The following CEP162 variants were observed in gnomAD, a reference collection of about 807,000 sequenced individuals.
CEP162 encodes the protein centrosomal protein of 162 kDa.
Under a neutral mutation model 169.2 loss-of-function variants are expected in CEP162, and 141 were observed. The ratio of observed to expected loss-of-function variants is 0.83; its 90% CI spans 0.73 to 0.96. The LOEUF is 0.96. Ranked by LOEUF, CEP162 falls within the 40% of genes least tolerant of loss-of-function variation. CEP162 has a pLI of 0.00. For missense variants in CEP162, 1,600 were observed against 1,587.2 expected, an observed-to-expected ratio of 1.01 and a Z score of -0.14; for synonymous variants, 540 against 526.4, an observed-to-expected ratio of 1.03 and a Z score of -0.35.
At chr6:84,185,089 T>G (rs1029410877) in intron 13 of CEP162, 98 bp downstream of exon 13, 41 of 1,141,666 alleles carry the variant, frequency 3.6e-5, no homozygotes, top group Non-Finnish European at 5.1e-5. Flanking sequence ...TGTTGCCTCC[T>G]GCAAATTGAA....
intron 21 of CEP162, 58 bp from the exon 22 acceptor site, chr6:84,155,568 A>G: frequency 8.5e-7 from 1 of 1,173,652 alleles, no homozygotes; most frequent in Non-Finnish European, 1.2e-6. Context: ...AATTCAGTAA[A>G]GTTTCAGGAT....
At chr6:84,190,301 C>T (rs992938536) in intron 11 of CEP162, among the ~76,000 whole-genome samples, 6 of 152,150 alleles carry the variant, frequency 3.9e-5, no homozygotes, top group Non-Finnish European at 8.8e-5. Flanking sequence ...ACGCACCAAT[C>T]AGCGCCCTGA....
At chr6:84,190,903 G>C (rs948939663) in intron 11 of CEP162, among the ~76,000 whole-genome samples, 1 of 152,144 alleles carries the variant, frequency 6.6e-6, no homozygotes, top group Non-Finnish European at 1.5e-5. Flanking sequence ...GGATGGTCTC[G>C]ATCTCTTGAC....
intron 3 of CEP162, among the ~76,000 whole-genome samples, chr6:84,216,341 G>A (rs2099551534): frequency 6.6e-6 from 1 of 152,004 alleles, no homozygotes. Context: ...AAAATACAAG[G>A]TGGCAAAGTA....
At chr6:84,166,988 T>C (rs2099528102) in intron 18 of CEP162, among the ~76,000 whole-genome samples, 1 of 152,194 alleles carries the variant, frequency 6.6e-6, no homozygotes, top group South Asian at 2.1e-4. Flanking sequence ...CTAACACCTT[T>C]ATTTTTTTTC....
chr6:84,211,600 A>G (rs2099549526), intron 6 of CEP162, among the ~76,000 whole-genome samples: 1 of 151,586 alleles, frequency 6.6e-6, no homozygotes, highest in Non-Finnish European at 1.5e-5. Flanking sequence ...ACTTGAAGCA[A>G]AAGAACAGTG....
intron 18 of CEP162, among the ~76,000 whole-genome samples, chr6:84,168,014 T>C (rs1020123886): frequency 6.6e-6 from 1 of 152,178 alleles, no homozygotes; most frequent in Admixed American, 6.6e-5. Flanking sequence ...CTTGAGAGCA[T>C]GGTTATCCAT....
intron 25 of CEP162, among the ~76,000 whole-genome samples, chr6:84,133,082 A>G (rs1335814627): frequency 6.6e-6 from 1 of 152,194 alleles, no homozygotes; most frequent in Non-Finnish European, 1.5e-5. Flanking sequence ...TCTAACCGTC[A>G]GGACCCTCAG....
Position 84,194,931 on chromosome 6 carries a change from G to C in CEP162, c.980C>G (p.Pro327Arg), listed in dbSNP as rs1245330786. 1 of 1,612,304 alleles carries C rather than the reference G, an allele frequency of 6.2e-7. No homozygotes were observed. The highest frequency in any genetic ancestry group is 8.5e-7 in the Non-Finnish European group (1 of 1,179,340). ...TTTTGAATTCTCTTCATTTTCTTGA[G>C]GATGACCTTTCACTGAGCTCTTGAT... ...EDIKSSVKGH[P>R]QENEENSKNI... The change falls in exon 10 of 27, where the codon CCT becomes CGT. Residue 327 changes from proline to arginine, a missense_variant. Pro to Arg is a moderately radical substitution (Grantham distance 103). Coordinates refer to ENST00000403245, the MANE Select transcript of CEP162 (RefSeq NM_014895.4).
chr6:84,163,770 A>C (rs2099526677), intron 18 of CEP162, among the ~76,000 whole-genome samples: 1 of 152,062 alleles, frequency 6.6e-6, no homozygotes, highest in Non-Finnish European at 1.5e-5. Flanking sequence ...ATTCGAGACC[A>C]GTATGGCCAA....
intron 11 of CEP162, among the ~76,000 whole-genome samples, chr6:84,189,289 C>A (rs1427303892): frequency 2.0e-5 from 3 of 152,288 alleles, no homozygotes; most frequent in South Asian, 2.1e-4. Flanking sequence ...GCCCTTCAGC[C>A]CCCCACTGCA....
chr6:84,156,156 T>C (rs1387778173), intron 21 of CEP162, among the ~76,000 whole-genome samples: 1 of 152,126 alleles, frequency 6.6e-6, no homozygotes, highest in Admixed American at 6.6e-5. Flanking sequence ...TAAATGGTGC[T>C]GGGAAAAATG....
intron 8 of CEP162, among the ~76,000 whole-genome samples, 163 bp from the exon 9 acceptor site, chr6:84,201,068 G>A (rs1476321537): frequency 6.6e-6 from 1 of 152,196 alleles, no homozygotes; most frequent in Non-Finnish European, 1.5e-5. Context: ...CACGAGGTCA[G>A]GAGATCGAGA....
chr6:84,219,695 A>G (rs2099552923), intron 3 of CEP162, among the ~76,000 whole-genome samples: 1 of 152,240 alleles, frequency 6.6e-6, no homozygotes, highest in African/African-American at 2.4e-5. Context: ...ACAGTATTAA[A>G]AAGAACAGAG....
Position 84,185,327 on chromosome 6 carries a change from GCATATAATC to G in CEP162, c.1514_1522del (p.Gly505_Tyr507del), listed in dbSNP as rs774103959. Reference sequence around the variant, plus strand: ...GCCATAGCCTGAGCTCCTAACTGACGCATATAATCCACTCTGGGGTTTCCTTTTAAGTAA... The same window carrying G: ...GCCATAGCCTGAGCTCCTAACTGACGCACTCTGGGGTTTCCTTTTAAGTAA... On this transcript the variant is annotated inframe_deletion, in exon 13 of 27. Transcript: ENST00000403245. 1.6e-5 allele frequency: 26 copies of G among 1,613,540 alleles called. No individual in the cohort carries two copies. The South Asian group carries it at 2.7e-4, about 17-fold the overall frequency.
intron 11 of CEP162, among the ~76,000 whole-genome samples, chr6:84,190,765 G>A (rs2099539554): frequency 1.3e-5 from 2 of 152,220 alleles, no homozygotes; most frequent in African/African-American, 4.8e-5. Context: ...AGCGTCCGCG[G>A]CTTCATTCTA....
intron 7 of CEP162, 47 bp downstream of exon 7, chr6:84,203,934 T>A (rs1483103774): frequency 1.7e-6 from 2 of 1,167,906 alleles, no homozygotes; most frequent in Admixed American, 4.3e-5. Flanking sequence ...GCAGCCAGGT[T>A]GAGAAAAAAG....
At position 84,202,506 on chromosome 6, in the gene CEP162, T is replaced by A. The variant is rs553035860; in HGVS notation, c.688-739A>T. On this transcript the variant is annotated intron_variant, in intron 7 of 26. Coordinates refer to ENST00000403245, the MANE Select transcript of CEP162 (RefSeq NM_014895.4). ...TACTGACCTATTCATTTTTCTTTTC[T>A]TTTCTTTCTTTCTTTTTTTTTTTTT... 2.0e-5 allele frequency among the ~76,000 whole-genome samples: 3 copies of A among 149,850 alleles called. No individual in the cohort carries two copies. In the East Asian group the frequency reaches 5.8e-4, roughly 29 times the overall value.
At chr6:84,189,540 TC>T (rs1475385962) in intron 11 of CEP162, among the ~76,000 whole-genome samples, 1 of 152,046 alleles carries the variant, frequency 6.6e-6, no homozygotes, top group African/African-American at 2.4e-5. Flanking sequence ...GTGTACTGAG[TC>T]CCCCAGCAGT....
Sources: allele counts gnomAD v4.1 joint callset (sites outside exome capture counted in the v4.1 genomes callset), GRCh38; gene constraint gnomAD v4.1.1; transcripts MANE v1.5; gene names NCBI Gene and HGNC (gene_info 2026-07-23, HGNC 2026-07-21).